The following FAM162A variants were observed in gnomAD, a reference collection of about 807,000 sequenced individuals.
The protein encoded by FAM162A is protein FAM162A.
In FAM162A, 23 loss-of-function variants were observed where a neutral mutation model predicts 21.8. That is an observed-to-expected ratio of 1.05 (90% CI 0.76 to 1.49). The LOEUF (loss-of-function observed/expected upper bound fraction) is 1.49. Among genes scored for constraint, FAM162A ranks in the 40% most tolerant of loss-of-function variants. The probability of loss-of-function intolerance (pLI) is 0.00; values close to 1 mark genes in which losing one functional copy is unlikely to be tolerated. For missense variants in FAM162A, 165 were observed against 186.4 expected, an observed-to-expected ratio of 0.89 and a Z score of 0.67; for synonymous variants, 53 against 61.3, an observed-to-expected ratio of 0.86 and a Z score of 0.64.
chr3:122,409,256 T>C (rs768975731), intron 4 of FAM162A, among the ~76,000 whole-genome samples: 8 of 152,130 alleles, frequency 5.3e-5, no homozygotes, highest in Non-Finnish European at 1.2e-4. Context: ...TCAATGGTAG[T>C]ATTTGGGTAA....
Position 122,411,151 on chromosome 3 carries a change from G to T in FAM162A, c.*1320G>T, listed in dbSNP as rs1323365482. On this transcript the variant is annotated 3_prime_UTR_variant, in exon 5 of 5. Coordinates refer to ENST00000477892, the MANE Select transcript of FAM162A (RefSeq NM_014367.4). ...TGTATACAGCCATGCCAACATGCTG[G>T]TTCTCAGAGAGTTATAAGAGAGATT... is the stretch of plus-strand genomic sequence containing the variant. 6.6e-6 allele frequency: 1 copy of T among 152,180 alleles called. No individual in the cohort carries two copies. Among genetic ancestry groups the T allele is most frequent in the Non-Finnish European group, 1.5e-5 (1 of 68,050 alleles). The allele number at this position is 152,180 out of a possible 1,614,324, so 9.4% of individuals were successfully genotyped here.
chr3:122,402,892 T>C lies in FAM162A; in HGVS notation c.157+10T>C. The C allele has an allele frequency of 6.3e-7, 1 of 1,582,122 alleles. No individual in the cohort carries two copies. The highest frequency in any genetic ancestry group is 8.5e-7 in the Non-Finnish European group (1 of 1,170,598). On this transcript the variant is annotated intron_variant, in intron 2 of 4. Coordinates refer to ENST00000477892, the MANE Select transcript of FAM162A (RefSeq NM_014367.4). ...CCCGGAGCTCCATCCCGTAAGTTTT[T>C]ATTTTTTCTATTTATGGAGTTGGTA...
At chr3:122,405,735 A>G (rs556700364) in intron 3 of FAM162A, among the ~76,000 whole-genome samples, 6 of 152,306 alleles carry the variant, frequency 3.9e-5, no homozygotes, top group African/African-American at 1.4e-4. Flanking sequence ...TTGTGCTGGT[A>G]GTTCTGAACA....
rs970805387 is a variant in FAM162A, at chr3:122,384,319, A to T, written c.34+20A>T. ...CAGCAGGTGAGACGCCGGTCGGGATATGGGAGGTAGGGGAGCTGGCCCGGC... is the reference window on the plus strand; with the variant it reads ...CAGCAGGTGAGACGCCGGTCGGGATTTGGGAGGTAGGGGAGCTGGCCCGGC... On this transcript the variant is annotated intron_variant, in intron 1 of 4. Transcript: ENST00000477892. The T allele has an allele frequency of 1.4e-5, 22 of 1,570,260 alleles. No homozygotes were observed. Among genetic ancestry groups the T allele is most frequent in the Non-Finnish European group, 1.8e-5 (21 of 1,157,858 alleles).
chr3:122,405,647 A>G (rs2075673365), intron 3 of FAM162A, among the ~76,000 whole-genome samples: 1 of 152,186 alleles, frequency 6.6e-6, no homozygotes, highest in Non-Finnish European at 1.5e-5. Context: ...GTTGGTTCCA[A>G]GATCCCCTCA....
chr3:122,385,345 A>C (rs1359793346), intron 1 of FAM162A, among the ~76,000 whole-genome samples: 2 of 152,210 alleles, frequency 1.3e-5, no homozygotes, highest in Admixed American at 1.3e-4. Flanking sequence ...TACTTCCTTT[A>C]AAAGCAAACA....
chr3:122,384,863 T>A (rs2075567209), intron 1 of FAM162A, among the ~76,000 whole-genome samples: 1 of 152,238 alleles, frequency 6.6e-6, no homozygotes, highest in Non-Finnish European at 1.5e-5. Context: ...TACAATTAAT[T>A]GATTCGAATT....
rs1315686647 is a variant in FAM162A, at chr3:122,411,133, A to G, written c.*1302A>G. On this transcript the variant is annotated 3_prime_UTR_variant, in exon 5 of 5. Transcript: ENST00000477892. ...AGGGTAAGGGGTGACTACTGTATAC[A>G]GCCATGCCAACATGCTGGTTCTCAG... 6.6e-6 allele frequency: 1 copy of G among 152,244 alleles called. No homozygotes were observed. Among genetic ancestry groups the G allele is most frequent in the East Asian group, 1.9e-4 (1 of 5,198 alleles). The allele number at this position is 152,244 out of a possible 1,614,324, so 9.4% of individuals were successfully genotyped here.
At chr3:122,404,073 A>G (rs544311140) in intron 2 of FAM162A, among the ~76,000 whole-genome samples, 185 bp from the exon 3 acceptor site, 10 of 152,220 alleles carry the variant, frequency 6.6e-5, no homozygotes, top group Non-Finnish European at 1.5e-4. Context: ...TTGGGATTTT[A>G]TAATCTTATT....
intron 1 of FAM162A, among the ~76,000 whole-genome samples, chr3:122,387,319 AG>A (rs1442662698): frequency 2.0e-5 from 3 of 152,262 alleles, no homozygotes; most frequent in African/African-American, 7.2e-5. Flanking sequence ...TTGACTGGTC[AG>A]ATTTGAAAAT....
rs2075695925 is a variant in FAM162A, at chr3:122,409,837, G to GTA, written c.*8_*9dup. 2 of 1,612,622 alleles carry GTA rather than the reference G, an allele frequency of 1.2e-6. No homozygotes were observed. The highest frequency in any genetic ancestry group is 3.3e-5 in the Admixed American group (2 of 59,996). On this transcript the variant is annotated 3_prime_UTR_variant, in exon 5 of 5. Transcript: ENST00000477892. ...TGAAGGCCAAAACAGAGTAGCAGAG[G>GTA]TATCCGTGTTGGCTGGATTTTGAAA...
intron 4 of FAM162A, among the ~76,000 whole-genome samples, chr3:122,408,793 C>T (rs1245401358): frequency 6.6e-6 from 1 of 152,172 alleles, no homozygotes; most frequent in African/African-American, 2.4e-5. Context: ...GCAAATTATT[C>T]ACCTGGAATC....
chr3:122,401,519 T>G (rs2075653563), intron 1 of FAM162A: 1 of 1,272,188 alleles, frequency 7.9e-7, no homozygotes, highest in Non-Finnish European at 1.0e-6. Flanking sequence ...AAGAACTGTT[T>G]GCCAGTGCAA....
Position 122,409,761 on chromosome 3 carries a change from T to G in FAM162A, c.395T>G (p.Leu132Ter), listed in dbSNP as rs759171418. 2 of 1,614,070 alleles carry G rather than the reference T, an allele frequency of 1.2e-6. No individual in the cohort carries two copies. The highest frequency in any genetic ancestry group is 2.2e-5 in the South Asian group (2 of 91,080). ...GKKAAQRHET[L>*]TSLNLEKKAR... is the part of the protein sequence containing the mutation. ...TAGGCTGCCCAAAGACACGAGACTT[T>G]AACAAGCTTGAACTTAGAAAAGAAA... is the stretch of plus-strand genomic sequence containing the variant. The change falls in exon 5 of 5, where the codon TTA becomes TGA. Residue 132 changes from leucine (L) to a stop codon, truncating the protein, a stop_gained. Coordinates refer to ENST00000477892, the MANE Select transcript of FAM162A (RefSeq NM_014367.4). LOFTEE classifies it high-confidence loss of function.
chr3:122,409,255 G>C (rs1470447362), intron 4 of FAM162A, among the ~76,000 whole-genome samples: 4 of 152,288 alleles, frequency 2.6e-5, no homozygotes, highest in South Asian at 2.1e-4. Flanking sequence ...ATCAATGGTA[G>C]TATTTGGGTA....
chr3:122,397,921 G>A (rs931282759), intron 1 of FAM162A, among the ~76,000 whole-genome samples: 3 of 152,188 alleles, frequency 2.0e-5, no homozygotes, highest in Admixed American at 6.5e-5. Context: ...GGAGGAATGT[G>A]TGATTCCAAC....
chr3:122,402,891 T>G lies in FAM162A; in HGVS notation c.157+9T>G. On this transcript the variant is annotated intron_variant, in intron 2 of 4. Coordinates refer to ENST00000477892, the MANE Select transcript of FAM162A (RefSeq NM_014367.4). Reference sequence around the variant, plus strand: ...TCCCGGAGCTCCATCCCGTAAGTTTTTATTTTTTCTATTTATGGAGTTGGT... The same window carrying G: ...TCCCGGAGCTCCATCCCGTAAGTTTGTATTTTTTCTATTTATGGAGTTGGT... 1 of 1,582,472 alleles carries G rather than the reference T, an allele frequency of 6.3e-7. No individual in the cohort carries two copies. Among genetic ancestry groups the G allele is most frequent in the Non-Finnish European group, 8.5e-7 (1 of 1,170,902 alleles).
At chr3:122,407,178 T>A in intron 3 of FAM162A, 103 bp from the exon 4 acceptor site, 1 of 832,668 alleles carries the variant, frequency 1.2e-6, no homozygotes, top group East Asian at 2.6e-5. Flanking sequence ...TTTATATTTA[T>A]AGACACTACT....
chr3:122,411,048 G>C lies in FAM162A; in HGVS notation c.*1217G>C, dbSNP rs146151637. The C allele has an allele frequency of 6.6e-6, 1 of 152,244 alleles. No homozygotes were observed. The highest frequency in any genetic ancestry group is 2.4e-5 in the African/African-American group (1 of 41,446). The allele number at this position is 152,244 out of a possible 1,614,324, so 9.4% of individuals were successfully genotyped here. A position where few individuals can be genotyped will look rare whatever the true frequency, so the allele number is the denominator to read the frequency against. On this transcript the variant is annotated 3_prime_UTR_variant, in exon 5 of 5. Transcript: ENST00000477892. ...GTATACGAAAAACATAGTATATGCA[G>C]GGTTGGGTACTATCCACAGTTTCAG...
Sources: gnomAD v4.1 joint callset for allele counts (sites outside exome capture counted in the v4.1 genomes callset) on GRCh38, gnomAD v4.1.1 for gene constraint, MANE v1.5 for transcripts, NCBI Gene and HGNC (gene_info 2026-07-23, HGNC 2026-07-21) for gene names.